The following ITGB1 variants were observed in gnomAD, a reference collection of about 807,000 sequenced individuals.
The protein encoded by ITGB1 is integrin beta-1.
Under a neutral mutation model 86.5 loss-of-function variants are expected in ITGB1, and 24 were observed. The observed-to-expected ratio is 0.28, with a 90% CI of 0.20 to 0.39. The LOEUF (loss-of-function observed/expected upper bound fraction) is 0.39, where lower values mean the gene tolerates loss of function less well. ITGB1 is among the 10% of genes least tolerant of loss of function. ITGB1 has a pLI of 1.00. For missense variants in ITGB1, 556 were observed against 946.9 expected (o/e 0.59, Z 5.42); for synonymous variants, 323 against 316.8 (o/e 1.02, Z -0.21).
At chr10:32,904,676 C>T (rs376783014) in intron 15 of ITGB1, among the ~76,000 whole-genome samples, 1 of 122,392 alleles carries the variant, frequency 8.2e-6, no homozygotes. Context: ...GATGTAATTT[C>T]TTGATGCTCA....
intron 5 of ITGB1, among the ~76,000 whole-genome samples, chr10:32,926,796 C>T (rs1044332477): frequency 1.3e-5 from 2 of 152,182 alleles, no homozygotes; most frequent in African/African-American, 2.4e-5. Context: ...GAGCTGCTGT[C>T]TCCCTGCTGC....
chr10:32,911,993 C>G lies in ITGB1; in HGVS notation c.1601G>C (p.Gly534Ala), dbSNP rs2094914890. 6.2e-7 allele frequency: 1 copy of G among 1,614,188 alleles called. No individual in the cohort carries two copies. The highest frequency in any genetic ancestry group is 1.1e-5 in the South Asian group (1 of 91,086). The change falls in exon 12 of 16, where the codon GGA becomes GCA. Residue 534 changes from glycine to alanine, a missense_variant. Gly to Ala is a moderately conservative substitution (Grantham distance 60). Transcript: ENST00000302278. ...ATCCCTCTTCCTACAAACACACTGT[C>G]CGCAGACGCACTCTCCATTGTTACT... ...ICSNNGECVC[G>A]QCVCRKRDNT...
intron 2 of ITGB1, 32 bp from the exon 3 acceptor site, chr10:32,932,632 A>C (rs779663382): frequency 8.4e-7 from 1 of 1,189,508 alleles, no homozygotes; most frequent in Non-Finnish European, 1.3e-6. Flanking sequence ...AGAACATTTT[A>C]TGTGAAGTGT....
chr10:32,942,695 TTTGG>T (rs1335349763), intron 1 of ITGB1, among the ~76,000 whole-genome samples: 1 of 150,792 alleles, frequency 6.6e-6, no homozygotes. Flanking sequence ...TTTTTTTTTT[TTTGG>T]GGGGAGACAG....
intron 15 of ITGB1, 126 bp from the exon 16 acceptor site, chr10:32,901,761 A>C (rs1651332345): frequency 1.4e-5 from 9 of 628,530 alleles, no homozygotes; most frequent in Non-Finnish European, 2.5e-5. Context: ...ATTTGTCCAG[A>C]TATCACAGTT....
chr10:32,902,910 GTTA>G (rs1421961517), intron 15 of ITGB1, among the ~76,000 whole-genome samples: 2 of 152,056 alleles, frequency 1.3e-5, no homozygotes, highest in African/African-American at 4.8e-5. Flanking sequence ...TAAGAAAAAA[GTTA>G]TTAACTTTAA....
chr10:32,916,679 A>G (rs2094932583), intron 11 of ITGB1, among the ~76,000 whole-genome samples: 1 of 152,198 alleles, frequency 6.6e-6, no homozygotes, highest in African/African-American at 2.4e-5. Context: ...CCACTGCTCA[A>G]CGAAATAAAA....
intron 11 of ITGB1, among the ~76,000 whole-genome samples, 174 bp from the exon 12 acceptor site, chr10:32,912,298 G>T (rs7087743): frequency 0.061 from 9,337 of 152,264 alleles, 896 homozygotes; most frequent in African/African-American, 0.21. Flanking sequence ...GGGCTTGCTG[G>T]ACAGTAGGTG....
intron 1 of ITGB1, among the ~76,000 whole-genome samples, chr10:32,937,244 T>C (rs1288985867): frequency 6.6e-6 from 1 of 152,132 alleles, no homozygotes; most frequent in Admixed American, 6.5e-5. Flanking sequence ...GTCATTGCAA[T>C]AATAAAATGC....
intron 1 of ITGB1, among the ~76,000 whole-genome samples, chr10:32,936,762 A>G (rs1051365642): frequency 9.2e-5 from 14 of 152,168 alleles, no homozygotes; most frequent in African/African-American, 3.4e-4. Flanking sequence ...TCCCTTAACT[A>G]CTTACTGCTC....
At chr10:32,923,250 GTAT>G (rs1325125304) in intron 7 of ITGB1, among the ~76,000 whole-genome samples, 2 of 152,148 alleles carry the variant, frequency 1.3e-5, no homozygotes, top group African/African-American at 4.8e-5. Context: ...AAAACAAAGA[GTAT>G]GAGACTAGAT....
At chr10:32,903,954 T>C (rs574598800) in intron 15 of ITGB1, among the ~76,000 whole-genome samples, 51 of 149,658 alleles carry the variant, frequency 3.4e-4, no homozygotes, top group African/African-American at 1.3e-3. Flanking sequence ...TTTAATACAA[T>C]ATATTTGCTA....
In ITGB1 at chr10:32,926,036, G is replaced by A. The variant is rs1470200887; in HGVS notation, c.621C>T (p.Cys207=). 5.6e-6 allele frequency: 9 copies of A among 1,613,996 alleles called. No individual in the cohort carries two copies. Among genetic ancestry groups the A allele is most frequent in the Non-Finnish European group, 7.6e-6 (9 of 1,180,016 alleles). The stretch of plus-strand genomic sequence containing the variant: ...GGCTGGTGCAGTTCTGTTCACTTGT[G>A]CAAGGGTTCCTGAGCTTAGCTGGTG... The part of the protein sequence containing the change: ...STTPAKLRNP[C]TSEQNCTSPF... Residue 207 remains cysteine (C), a synonymous_variant, in exon 6 of 16, where the codon TGC becomes TGT. Coordinates refer to ENST00000302278, the MANE Select transcript of ITGB1 (RefSeq NM_002211.4).
intron 11 of ITGB1, among the ~76,000 whole-genome samples, chr10:32,918,166 G>A (rs910303875): frequency 1.3e-5 from 2 of 152,118 alleles, no homozygotes; most frequent in African/African-American, 4.8e-5. Flanking sequence ...GACACAGGGT[G>A]GGGAACATCA....
At chr10:32,920,727 C>T (rs1223067364) in intron 9 of ITGB1, among the ~76,000 whole-genome samples, 4 of 151,464 alleles carry the variant, frequency 2.6e-5, no homozygotes, top group African/African-American at 9.7e-5. Flanking sequence ...AATCCCAGCA[C>T]TTTGGGAGGC....
chr10:32,918,726 T>C (rs879639359), intron 11 of ITGB1, among the ~76,000 whole-genome samples: 1 of 152,322 alleles, frequency 6.6e-6, no homozygotes, highest in East Asian at 1.9e-4. Context: ...TTTCAAATGG[T>C]ATGCTATTAC....
intron 14 of ITGB1, among the ~76,000 whole-genome samples, chr10:32,909,280 A>C (rs1593853928): frequency 6.6e-6 from 1 of 152,296 alleles, no homozygotes; most frequent in Non-Finnish European, 1.5e-5. Flanking sequence ...AAATGCCCCT[A>C]GAACAAGTGG....
At chr10:32,926,565 C>G (rs2094965461) in intron 5 of ITGB1, among the ~76,000 whole-genome samples, 1 of 152,148 alleles carries the variant, frequency 6.6e-6, no homozygotes, top group Non-Finnish European at 1.5e-5. Context: ...CTGCTCCCAC[C>G]ATGTGAGAAG....
chr10:32,921,935 G>A (rs1037022746), intron 9 of ITGB1, among the ~76,000 whole-genome samples: 1 of 151,962 alleles, frequency 6.6e-6, no homozygotes, highest in Non-Finnish European at 1.5e-5. Flanking sequence ...GAAAAAGATT[G>A]GAGAAATCCT....
Sources: gnomAD v4.1 joint callset for allele counts (sites outside exome capture counted in the v4.1 genomes callset) on GRCh38, gnomAD v4.1.1 for gene constraint, MANE v1.5 for transcripts, NCBI Gene and HGNC (gene_info 2026-07-23, HGNC 2026-07-21) for gene names.